The following REPIN1 variants were observed in gnomAD, a reference collection of about 807,000 sequenced individuals.
The protein encoded by REPIN1 is DNA-binding protein REPIN1.
In REPIN1, 4 loss-of-function variants were observed where a neutral mutation model predicts 5.7. The observed-to-expected ratio is 0.71, with a 90% CI of 0.35 to 1.62. The LOEUF is 1.62. Ranked by LOEUF, REPIN1 falls within the 40% of genes most tolerant of loss-of-function variation. REPIN1 has a pLI of 0.05. For missense variants in REPIN1, 854 were observed against 901.0 expected, an observed-to-expected ratio of 0.95 and a Z score of 0.67; for synonymous variants, 410 against 386.2, an observed-to-expected ratio of 1.06 and a Z score of -0.72.
chr7:150,373,086 C>T lies in REPIN1; in HGVS notation c.*141C>T, dbSNP rs780101097. 13 of 1,242,512 alleles carry T rather than the reference C, an allele frequency of 1.0e-5. No homozygotes were observed. Among genetic ancestry groups the T allele is most frequent in the Non-Finnish European group, 1.4e-5 (13 of 906,718 alleles). 77.0% of individuals were successfully genotyped at this position (1,242,512 alleles called of 1,614,324 possible). ...GGGGATGGAAGACGCGGGGAGTGAG[C>T]TGGGTGGGCCCTGCTAGCGAGAGAG... On this transcript the variant is annotated 3_prime_UTR_variant, in exon 3 of 3. Transcript: ENST00000489432.
At chr7:150,370,858 T>C in intron 2 of REPIN1, 1 of 701,294 alleles carries the variant, frequency 1.4e-6, no homozygotes, top group African/African-American at 1.7e-5. Context: ...CATAAGGCAC[T>C]GTAGGGAGCA....
In REPIN1 at chr7:150,373,310, CT is replaced by C. The variant is rs1585078515; in HGVS notation, c.*366del. On this transcript the variant is annotated 3_prime_UTR_variant, in exon 3 of 3. Transcript: ENST00000489432. The stretch of plus-strand genomic sequence containing the variant: ...CTCTGGTATTAACGCCTTAATGCCC[CT>C]GTCTTTTACTGTAAGTTACTTAAGA... 1 of 281,246 alleles carries C rather than the reference CT, an allele frequency of 3.6e-6. No homozygotes were observed. Among genetic ancestry groups the C allele is most frequent in the Non-Finnish European group, 7.2e-6 (1 of 139,178 alleles). The allele number at this position is 281,246 out of a possible 1,614,324, so 17.4% of individuals were successfully genotyped here.
rs1799882943 is a variant in REPIN1, at chr7:150,372,257, C to A, written c.1187C>A (p.Ser396Tyr). The change falls in exon 3 of 3, where the codon TCC (serine) becomes TAC (tyrosine). Residue 396 changes from serine to tyrosine, a missense_variant. Around this residue, in one of 5 missense-constraint regions of REPIN1, gnomAD observed 327 missense variants for 307.8 expected, o/e 1.06. Transcript: ENST00000489432. Reference protein sequence around the residue: ...SPQLPAGPQESAAEPTPAVPL... With the variant: ...SPQLPAGPQEYAAEPTPAVPL... ...CAGCTGCCAGCCGGCCCCCAGGAGT[C>A]CGCGGCCGAGCCCACCCCGGCGGTA... is the stretch of plus-strand genomic sequence containing the variant. 1.3e-6 allele frequency: 2 copies of A among 1,524,496 alleles called. No individual in the cohort carries two copies. Among genetic ancestry groups the A allele is most frequent in the East Asian group, 2.5e-5 (1 of 40,780 alleles). 94.4% of individuals were successfully genotyped at this position (1,524,496 alleles called of 1,614,324 possible).
upstream of REPIN1, chr7:150,368,345 C>T (rs555099907): frequency 6.6e-6 from 1 of 152,272 alleles, no homozygotes; most frequent in East Asian, 1.9e-4. Flanking sequence ...CCGGGACCGC[C>T]GCGGCCGCAA....
In REPIN1 at chr7:150,371,395, G is replaced by T. The variant is rs776743378; in HGVS notation, c.325G>T (p.Ala109Ser). 20 of 1,596,906 alleles carry T rather than the reference G, an allele frequency of 1.3e-5. No homozygotes were observed. The highest frequency in any genetic ancestry group is 4.0e-5 in the African/African-American group (3 of 74,754). ...GTSVAQSGAQ[A>S]PGRAHRCAHC... ...GTCAGTGGCCCAGTCTGGTGCCCAA[G>T]CCCCAGGCAGGGCCCATCGCTGTGC... Residue 109 changes from alanine (A) to serine (S), a missense_variant, in exon 3 of 3, where the codon GCC (alanine) becomes TCC (serine). Physicochemically the swap from Ala to Ser is moderately conservative, Grantham distance 99. Around this residue, in one of 5 missense-constraint regions of REPIN1, gnomAD observed 409 missense variants for 418.6 expected, o/e 0.98. Coordinates refer to ENST00000489432, the MANE Select transcript of REPIN1 (RefSeq NM_001099695.2).
At position 150,373,064 on chromosome 7, in the gene REPIN1, G is replaced by A. The variant is rs1800049269; in HGVS notation, c.*119G>A. On this transcript the variant is annotated 3_prime_UTR_variant, in exon 3 of 3. Coordinates refer to ENST00000489432, the MANE Select transcript of REPIN1 (RefSeq NM_001099695.2). ...AGGGGACAATGGGAATCCTAGAGGG[G>A]ATGGAAGACGCGGGGAGTGAGCTGG... The A allele has an allele frequency of 7.2e-7, 1 of 1,394,452 alleles. No homozygotes were observed. Among genetic ancestry groups the A allele is most frequent in the South Asian group, 1.4e-5 (1 of 69,932 alleles). The allele number at this position is 1,394,452 out of a possible 1,614,324, so 86.4% of individuals were successfully genotyped here. A position where few individuals can be genotyped will look rare whatever the true frequency, so the allele number is the denominator to read the frequency against.
At chr7:150,370,495 G>A (rs917533743) in intron 2 of REPIN1, 6 of 493,316 alleles carry the variant, frequency 1.2e-5, no homozygotes, top group Non-Finnish European at 2.2e-5. Flanking sequence ...CCCCGAGAAG[G>A]GCTGTTCTCA....
In REPIN1 at chr7:150,371,855, A is replaced by C. The variant is rs1799805905; in HGVS notation, c.785A>C (p.Glu262Ala). ...CGGGTGCACGTAGCTGAGGCCCTGG[A>C]GGAGGCCGCAGCCAAGGCTCTGGGG... ...HKRVHVAEAL[E>A]EAAAKALGPR... Residue 262 changes from glutamate (E) to alanine (A), a missense_variant, in exon 3 of 3, where the codon GAG (glutamate) becomes GCG (alanine). Glu to Ala is a moderately radical substitution (Grantham distance 107). Coordinates refer to ENST00000489432, the MANE Select transcript of REPIN1 (RefSeq NM_001099695.2). 2.5e-6 allele frequency: 4 copies of C among 1,605,404 alleles called. No homozygotes were observed. The African/African-American group carries it at 5.3e-5, about 21-fold the overall frequency.
chr7:150,372,025 C>T lies in REPIN1; in HGVS notation c.955C>T (p.Arg319Trp). Residue 319 changes from arginine to tryptophan, a missense_variant, in exon 3 of 3, where the codon CGG becomes TGG. Arg to Trp is a moderately radical substitution (Grantham distance 101, BLOSUM62 -3). Coordinates refer to ENST00000489432, the MANE Select transcript of REPIN1 (RefSeq NM_001099695.2). Reference protein sequence around the residue: ...IAHRRVHTGERPHQCPECGKR... With the variant: ...IAHRRVHTGEWPHQCPECGKR... Reference sequence around the variant, plus strand: ...TCACCGCCGCGTGCACACGGGCGAGCGGCCCCACCAGTGCCCCGAGTGCGG... The same window carrying T: ...TCACCGCCGCGTGCACACGGGCGAGTGGCCCCACCAGTGCCCCGAGTGCGG... The T allele has an allele frequency of 1.2e-6, 2 of 1,612,052 alleles. No individual in the cohort carries two copies. Among genetic ancestry groups the T allele is most frequent in the Non-Finnish European group, 1.7e-6 (2 of 1,179,692 alleles).
intron 2 of REPIN1, chr7:150,370,394 A>T (rs1799523055): frequency 3.1e-6 from 1 of 320,804 alleles, no homozygotes; most frequent in Non-Finnish European, 6.0e-6. Flanking sequence ...TGGGTGGAAG[A>T]GGGCAGGCGG....
intron 1 of REPIN1, 189 bp downstream of exon 1, chr7:150,369,130 T>G: frequency 2.9e-6 from 1 of 342,426 alleles, no homozygotes; most frequent in Non-Finnish European, 5.2e-6. Flanking sequence ...GGACCCGAAA[T>G]GGCTCACTCG....
At chr7:150,369,244 G>A in intron 1 of REPIN1, 1 of 386,662 alleles carries the variant, frequency 2.6e-6, no homozygotes, top group Non-Finnish European at 4.7e-6. Flanking sequence ...CGATGCGGAA[G>A]GGGATTCTGA....
In REPIN1 at chr7:150,372,376, G is replaced by T. The variant is rs754431029; in HGVS notation, c.1306G>T (p.Asp436Tyr). 2 of 1,491,524 alleles carry T rather than the reference G, an allele frequency of 1.3e-6. No homozygotes were observed. The highest frequency in any genetic ancestry group is 1.8e-6 in the Non-Finnish European group (2 of 1,128,096). The allele number at this position is 1,491,524 out of a possible 1,614,324, so 92.4% of individuals were successfully genotyped here. The change falls in exon 3 of 3, where the codon GAC (aspartate) becomes TAC (tyrosine). Residue 436 changes from aspartate to tyrosine, a missense_variant. Coordinates refer to ENST00000489432, the MANE Select transcript of REPIN1 (RefSeq NM_001099695.2). ...CCCCCCCTCCCTCTACAGCTGCGACGACTGCGGCAGGAGCTTCCGGCTGGA... is the reference window on the plus strand; with the variant it reads ...CCCCCCCTCCCTCTACAGCTGCGACTACTGCGGCAGGAGCTTCCGGCTGGA... Reference protein sequence around the residue: ...EAPPSLYSCDDCGRSFRLERF... With the variant: ...EAPPSLYSCDYCGRSFRLERF...
chr7:150,368,433 T>A (rs1433101255), upstream of REPIN1: 1 of 151,842 alleles, frequency 6.6e-6, no homozygotes, highest in Non-Finnish European at 1.5e-5. Flanking sequence ...CGGAGCCCTC[T>A]TTGAAGTCTC....
Position 150,371,661 on chromosome 7 carries a change from T to C in REPIN1, c.591T>C (p.Ala197=), listed in dbSNP as rs1330098954. 25 of 1,605,114 alleles carry C rather than the reference T, an allele frequency of 1.6e-5. No individual in the cohort carries two copies. Among genetic ancestry groups the C allele is most frequent in the Non-Finnish European group, 2.0e-5 (24 of 1,179,486 alleles). ...ALVLHLRAHS[A]AKRPIACPKC... is the part of the protein sequence containing the mutation. ...TTCTGCATCTGCGGGCCCATTCAGC[T>C]GCAAAGCGGCCCATCGCTTGTCCCA... The change falls in exon 3 of 3, where the codon GCT becomes GCC. Residue 197 remains alanine (A), a synonymous_variant. Coordinates refer to ENST00000489432, the MANE Select transcript of REPIN1 (RefSeq NM_001099695.2).
rs1459912379 is a variant in REPIN1, at chr7:150,373,128, AG to A, written c.*186del. The stretch of plus-strand genomic sequence containing the variant: ...GCGAGAGAGGTCAACCCCGGTGGCC[AG>A]GGAACCCACTTCCAAGCGCAGGGAC... On this transcript the variant is annotated 3_prime_UTR_variant, in exon 3 of 3. Coordinates refer to ENST00000489432, the MANE Select transcript of REPIN1 (RefSeq NM_001099695.2). The A allele has an allele frequency of 1.1e-6, 1 of 878,898 alleles. No individual in the cohort carries two copies. Among genetic ancestry groups the A allele is most frequent in the Non-Finnish European group, 1.7e-6 (1 of 579,178 alleles). The allele number at this position is 878,898 out of a possible 1,614,324, so 54.4% of individuals were successfully genotyped here. A position where few individuals can be genotyped will look rare whatever the true frequency, so the allele number is the denominator to read the frequency against.
rs1799776383 is a variant in REPIN1 at position 150,371,694 on chromosome 7, G to C, written c.624G>C (p.Glu208Asp). ...GGCCCATCGCTTGTCCCAAATGCGA[G>C]AGACGCTTCTGGCGACGAAAGCAGC... ...AKRPIACPKC[E>D]RRFWRRKQLR... Residue 208 changes from glutamate (E) to aspartate (D), a missense_variant, in exon 3 of 3, where the codon GAG (glutamate) becomes GAC (aspartate). By Grantham distance (45) the Glu-to-Asp change is conservative. Coordinates refer to ENST00000489432, the MANE Select transcript of REPIN1 (RefSeq NM_001099695.2). 2 of 1,606,556 alleles carry C rather than the reference G, an allele frequency of 1.2e-6. No homozygotes were observed. The highest frequency in any genetic ancestry group is 1.1e-5 in the South Asian group (1 of 91,036).
chr7:150,372,361 C>T lies in REPIN1; in HGVS notation c.1291C>T (p.Leu431Phe), dbSNP rs1287946412. Residue 431 changes from leucine to phenylalanine, a missense_variant, in exon 3 of 3, where the codon CTC becomes TTC. Coordinates refer to ENST00000489432, the MANE Select transcript of REPIN1 (RefSeq NM_001099695.2). ...GGACCCGATCGAAGCCCCCCCCTCC[C>T]TCTACAGCTGCGACGACTGCGGCAG... ...PQDPIEAPPS[L>F]YSCDDCGRSF... The T allele has an allele frequency of 6.7e-7, 1 of 1,499,464 alleles. No individual in the cohort carries two copies. The allele number at this position is 1,499,464 out of a possible 1,614,324, so 92.9% of individuals were successfully genotyped here. A position where few individuals can be genotyped will look rare whatever the true frequency, so the allele number is the denominator to read the frequency against.
upstream of REPIN1, chr7:150,368,099 C>G (rs1478962550): frequency 6.6e-6 from 1 of 152,218 alleles, no homozygotes; most frequent in Non-Finnish European, 1.5e-5. Context: ...CCACCGCAGA[C>G]GCCACACAGG....
Sources: allele counts gnomAD v4.1 joint callset, GRCh38; gene constraint gnomAD v4.1.1; regional missense constraint gnomAD v4.1.1; transcripts MANE v1.5; gene names NCBI Gene and HGNC (gene_info 2026-07-23, HGNC 2026-07-21).